The following MICU1 variants were observed in gnomAD, a reference collection of about 807,000 sequenced individuals.
MICU1 encodes calcium uptake protein 1, mitochondrial.
Under a neutral mutation model 56.8 loss-of-function variants are expected in MICU1, and 45 were observed. The ratio of observed to expected loss-of-function variants is 0.79; its 90% CI spans 0.62 to 1.02. MICU1 has a LOEUF of 1.02. MICU1 is among the 50% of genes least tolerant of loss of function. The pLI, the probability that MICU1 is intolerant of heterozygous loss-of-function variation, is 0.00. For missense variants in MICU1, 504 were observed against 587.1 expected, an observed-to-expected ratio of 0.86 and a Z score of 1.46; for synonymous variants, 186 against 195.1, an observed-to-expected ratio of 0.95 and a Z score of 0.39.
chr10:72,512,952 G>T (rs898673635), intron 5 of MICU1, among the ~76,000 whole-genome samples: 1 of 152,034 alleles, frequency 6.6e-6, no homozygotes, highest in African/African-American at 2.4e-5. Flanking sequence ...CAATCTGCGT[G>T]CCTCAGCCTC....
chr10:72,535,884 G>T (rs976267126), intron 4 of MICU1, among the ~76,000 whole-genome samples: 3 of 152,054 alleles, frequency 2.0e-5, no homozygotes, highest in African/African-American at 7.2e-5. Context: ...AGGTAGAAAG[G>T]AAGAAATTCT....
At chr10:72,451,066 C>A (rs542545129) in intron 8 of MICU1, among the ~76,000 whole-genome samples, 60 of 133,184 alleles carry the variant, frequency 4.5e-4, no homozygotes, top group Non-Finnish European at 8.3e-4. Context: ...TGCTCTGTTG[C>A]CAGACTGGAA....
At chr10:72,556,109 ACT>A (rs925475284) in intron 3 of MICU1, among the ~76,000 whole-genome samples, 2 of 152,054 alleles carry the variant, frequency 1.3e-5, no homozygotes, top group African/African-American at 2.4e-5. Context: ...TGGCCGGCAC[ACT>A]CTCTCTCAAG....
At chr10:72,439,756 AACAG>A (rs998571156) in intron 8 of MICU1, among the ~76,000 whole-genome samples, 51 of 152,132 alleles carry the variant, frequency 3.4e-4, no homozygotes, top group East Asian at 2.9e-3. Flanking sequence ...ATCCACCAAT[AACAG>A]ACAGAGAGCC....
At chr10:72,496,276 T>C (rs995652500) in intron 6 of MICU1, among the ~76,000 whole-genome samples, 2 of 150,942 alleles carry the variant, frequency 1.3e-5, no homozygotes. Flanking sequence ...AATATAGGCA[T>C]GTGCCACCAC....
At chr10:72,611,278 G>A (rs1841840383) in intron 1 of MICU1, among the ~76,000 whole-genome samples, 2 of 150,276 alleles carry the variant, frequency 1.3e-5, no homozygotes, top group South Asian at 2.1e-4. Flanking sequence ...ACTCCAGCCT[G>A]GGAGACACAG....
rs189988160 is a variant in MICU1, at chr10:72,533,263, T to C, written c.537+483A>G. ...ATTTGTTATATTATTTATTCAGGTA[T>C]AAATAATTAAAAATAAGTATAGTGC... On this transcript the variant is annotated intron_variant, in intron 5 of 11. Transcript: ENST00000361114. The C allele has an allele frequency of 5.4e-5, 35 of 644,946 alleles. No homozygotes were observed. The African/African-American group carries it at 6.3e-4, about 12-fold the overall frequency. 40.0% of individuals were successfully genotyped at this position (644,946 alleles called of 1,614,324 possible). A position where few individuals can be genotyped will look rare whatever the true frequency, so the allele number is the denominator to read the frequency against.
chr10:72,451,263 T>C (rs534195600), intron 8 of MICU1, among the ~76,000 whole-genome samples: 144 of 152,244 alleles, frequency 9.5e-4, no homozygotes, highest in African/African-American at 3.3e-3. Context: ...GACCTTGTGA[T>C]CTGCCTGCCT....
At position 72,429,131 on chromosome 10, in the gene MICU1, A is replaced by G. The variant is rs1864442196; in HGVS notation, c.934-5760T>C. On this transcript the variant is annotated intron_variant, in intron 8 of 11. Transcript: ENST00000361114. ...GAGTTTGAGGCCCAGTTAACATTCA[A>G]TAAATGGGCTGGGTGTGGTGGGTCA... Among the ~76,000 whole-genome samples the G allele has an allele frequency of 2.6e-5, 4 of 152,208 alleles. No homozygotes were observed. In the South Asian group the frequency reaches 8.3e-4, roughly 32 times the overall value.
In MICU1 at chr10:72,606,328, AC is replaced by A. The variant is rs1425611903; in HGVS notation, c.-2+19681del. Among the ~76,000 whole-genome samples the A allele has an allele frequency of 5.3e-5, 8 of 152,004 alleles. No homozygotes were observed. In the East Asian group the frequency reaches 1.5e-3, roughly 29 times the overall value. On this transcript the variant is annotated intron_variant, in intron 1 of 11. Coordinates refer to ENST00000361114, the MANE Select transcript of MICU1 (RefSeq NM_001195518.2). ...GGAGTTCGAGACCAGCCCGGCCAACACAGTGAAACCCCGTCTCTACTGAAAA... is the reference window on the plus strand; with the variant it reads ...GGAGTTCGAGACCAGCCCGGCCAACAAGTGAAACCCCGTCTCTACTGAAAA...
intron 5 of MICU1, among the ~76,000 whole-genome samples, chr10:72,516,078 C>T (rs143176646): frequency 3.2e-4 from 49 of 152,290 alleles, no homozygotes; most frequent in African/African-American, 1.2e-3. Flanking sequence ...GTTCCTATTT[C>T]TCCACATCCT....
chr10:72,423,213 C>T (rs1299917726), intron 9 of MICU1, 21 bp downstream of exon 9: 1 of 1,607,114 alleles, frequency 6.2e-7, no homozygotes, highest in Non-Finnish European at 8.5e-7. Context: ...TTCTCTTCTT[C>T]CTCCAGCCAA....
chr10:72,457,939 C>A (rs536505298), intron 8 of MICU1, among the ~76,000 whole-genome samples: 1 of 152,118 alleles, frequency 6.6e-6, no homozygotes, highest in South Asian at 2.1e-4. Context: ...GAAGCCGAGG[C>A]GGGTGGATCA....
chr10:72,534,862 A>C (rs1839583030), intron 4 of MICU1, among the ~76,000 whole-genome samples: 1 of 152,048 alleles, frequency 6.6e-6, no homozygotes, highest in Non-Finnish European at 1.5e-5. Context: ...TGTTAGAAAC[A>C]ATTTTAATTT....
intron 6 of MICU1, among the ~76,000 whole-genome samples, chr10:72,491,715 T>A (rs1329359389): frequency 6.6e-6 from 1 of 152,116 alleles, no homozygotes; most frequent in Non-Finnish European, 1.5e-5. Context: ...CCCATGGAGG[T>A]ACTCTAGGTA....
intron 1 of MICU1, among the ~76,000 whole-genome samples, chr10:72,615,249 T>C (rs539529901): frequency 1.9e-4 from 29 of 152,174 alleles, no homozygotes; most frequent in African/African-American, 6.0e-4. Context: ...TCCCCAGTAA[T>C]TGGAATTACA....
chr10:72,614,817 T>C (rs1841938611), intron 1 of MICU1, among the ~76,000 whole-genome samples: 1 of 152,142 alleles, frequency 6.6e-6, no homozygotes, highest in African/African-American at 2.4e-5. Flanking sequence ...GTTTGGGAAG[T>C]AGTTTTGGAA....
chr10:72,568,559 G>A (rs575599530), intron 1 of MICU1, among the ~76,000 whole-genome samples: 1 of 152,012 alleles, frequency 6.6e-6, no homozygotes, highest in Non-Finnish European at 1.5e-5. Flanking sequence ...CATCCATAAT[G>A]AACAGACTTC....
At chr10:72,522,955 G>A (rs1867866009) in intron 5 of MICU1, among the ~76,000 whole-genome samples, 1 of 152,138 alleles carries the variant, frequency 6.6e-6, no homozygotes, top group African/African-American at 2.4e-5. Context: ...ACTTAAGAAT[G>A]CAGAAAAGCT....
Sources: gnomAD v4.1 joint callset for allele counts (sites outside exome capture counted in the v4.1 genomes callset) on GRCh38, gnomAD v4.1.1 for gene constraint, MANE v1.5 for transcripts, NCBI Gene and HGNC (gene_info 2026-07-23, HGNC 2026-07-21) for gene names.